The following ARB2A variants were observed in gnomAD, a reference collection of about 807,000 sequenced individuals.
The protein encoded by ARB2A is cotranscriptional regulator ARB2A.
the ARB2A span, among the ~76,000 whole-genome samples, chr5:93,781,230 G>C: frequency 1.3e-5 from 2 of 152,078 alleles, no homozygotes; most frequent in Non-Finnish European, 2.9e-5. Context: ...TGTACCCATA[G>C]TTTAGCTCCC....
At chr5:94,055,705 C>T in the ARB2A span, 1 of 985,390 alleles carries the variant, frequency 1.0e-6, no homozygotes, top group Non-Finnish European at 1.2e-6. Flanking sequence ...GTTTTAATAT[C>T]AAAAATTGAC....
chr5:93,866,697 A>G, the ARB2A span, among the ~76,000 whole-genome samples: 1 of 152,216 alleles, frequency 6.6e-6, no homozygotes, highest in African/African-American at 2.4e-5. Flanking sequence ...TAAGACTTCC[A>G]TATGCATGGA....
At chr5:93,763,412 A>G in the ARB2A span, among the ~76,000 whole-genome samples, 5 of 152,312 alleles carry the variant, frequency 3.3e-5, no homozygotes, top group South Asian at 1.0e-3. Context: ...CTCTGATAAA[A>G]CAGACTTTAA....
the ARB2A span, among the ~76,000 whole-genome samples, chr5:94,088,343 TA>T: frequency 6.6e-6 from 1 of 152,116 alleles, no homozygotes; most frequent in South Asian, 2.1e-4. Context: ...AAACTTGACT[TA>T]AAAAATAATA....
At chr5:93,638,550 T>C in the ARB2A span, among the ~76,000 whole-genome samples, 1 of 152,116 alleles carries the variant, frequency 6.6e-6, no homozygotes, top group Non-Finnish European at 1.5e-5. Flanking sequence ...CGGTGGCTCA[T>C]GCCTGTAATC....
the ARB2A span, among the ~76,000 whole-genome samples, chr5:93,836,188 C>T: frequency 2.6e-5 from 4 of 152,062 alleles, no homozygotes; most frequent in Non-Finnish European, 4.4e-5. Flanking sequence ...CCACCACGCC[C>T]GGCTAATTTT....
At chr5:93,627,554 C>G in the ARB2A span, among the ~76,000 whole-genome samples, 2 of 150,702 alleles carry the variant, frequency 1.3e-5, no homozygotes, top group African/African-American at 4.9e-5. Context: ...AAGCCATTCT[C>G]CTGCCTCAGC....
At chr5:93,987,969 A>C in the ARB2A span, among the ~76,000 whole-genome samples, 1 of 152,210 alleles carries the variant, frequency 6.6e-6, no homozygotes, top group Non-Finnish European at 1.5e-5. Context: ...CCATTCTGTT[A>C]ATCAGCTCCA....
chr5:93,812,549 C>A, the ARB2A span, among the ~76,000 whole-genome samples: 6 of 152,032 alleles, frequency 3.9e-5, no homozygotes, highest in Non-Finnish European at 7.4e-5. Context: ...TTCTGCCCGG[C>A]ACAGAAAGAT....
At chr5:94,054,780 C>T in the ARB2A span, among the ~76,000 whole-genome samples, 12 of 152,286 alleles carry the variant, frequency 7.9e-5, no homozygotes, top group African/African-American at 2.9e-4. Flanking sequence ...TCTCTTCATC[C>T]ATTTACACAT....
At chr5:94,024,184 A>T in the ARB2A span, among the ~76,000 whole-genome samples, 1 of 152,178 alleles carries the variant, frequency 6.6e-6, no homozygotes, top group Non-Finnish European at 1.5e-5. Flanking sequence ...TTCTGTGAGG[A>T]TGTTTTTAGA....
At chr5:94,022,270 C>T in the ARB2A span, among the ~76,000 whole-genome samples, 1 of 152,092 alleles carries the variant, frequency 6.6e-6, no homozygotes, top group Non-Finnish European at 1.5e-5. Context: ...CCTTAGGGTG[C>T]TCACTCCAGT....
At chr5:94,005,027 G>A in the ARB2A span, among the ~76,000 whole-genome samples, 4,723 of 47,268 alleles carry the variant, frequency 0.1, 213 homozygotes, top group Middle Eastern at 0.16. Flanking sequence ...AAAAAAAAAA[G>A]AGAGAGGACA....
the ARB2A span, among the ~76,000 whole-genome samples, chr5:93,951,862 G>A: frequency 1.3e-5 from 2 of 152,122 alleles, no homozygotes; most frequent in Non-Finnish European, 2.9e-5. Flanking sequence ...AAAAGAAAAA[G>A]AAAAAGATTT....
At chr5:93,703,546 G>A in the ARB2A span, among the ~76,000 whole-genome samples, 1 of 152,176 alleles carries the variant, frequency 6.6e-6, no homozygotes, top group African/African-American at 2.4e-5. Context: ...CACTGAAAAA[G>A]TGTTTAGATA....
chr5:93,671,461 T>C, the ARB2A span, among the ~76,000 whole-genome samples: 3 of 152,096 alleles, frequency 2.0e-5, no homozygotes, highest in Non-Finnish European at 2.9e-5. Context: ...AAATGTCAAA[T>C]AATAAGAGCT....
chr5:94,077,687 T>A, the ARB2A span, among the ~76,000 whole-genome samples: 2 of 152,202 alleles, frequency 1.3e-5, no homozygotes, highest in African/African-American at 4.8e-5. Context: ...GCACTCGACA[T>A]AGTTTATTTG....
chr5:94,037,270 G>A, the ARB2A span, among the ~76,000 whole-genome samples: 53 of 152,070 alleles, frequency 3.5e-4, no homozygotes, highest in East Asian at 2.7e-3. Context: ...TATCCTATAC[G>A]TAGTATTCCA....
chr5:93,824,289 T>C, the ARB2A span: 2 of 1,517,314 alleles, frequency 1.3e-6, no homozygotes, highest in Non-Finnish European at 1.8e-6. Flanking sequence ...ACAAATGTCA[T>C]ATATTACATA....
Sources: gnomAD v4.1 joint callset for allele counts (sites outside exome capture counted in the v4.1 genomes callset) on GRCh38, gnomAD v4.1.1 for gene constraint, MANE v1.5 for transcripts, NCBI Gene and HGNC (gene_info 2026-07-23, HGNC 2026-07-21) for gene names.